Variants in FBN3 observed in about 807,000 individuals in gnomAD.
FBN3 encodes fibrillin-3.
In FBN3, 234 loss-of-function variants were observed where a neutral mutation model predicts 330.1. The observed-to-expected ratio is 0.71, with a 90% CI of 0.64 to 0.79. The LOEUF (loss-of-function observed/expected upper bound fraction) is 0.79, where lower values mean the gene tolerates loss of function less well. Ranked by LOEUF, FBN3 falls within the 30% of genes least tolerant of loss-of-function variation. The pLI, the probability that FBN3 is intolerant of heterozygous loss-of-function variation, is 0.00. For synonymous variants in FBN3, 1,458 were observed against 1,517.3 expected, an observed-to-expected ratio of 0.96 and a Z score of 0.91; for missense variants, 3,606 against 3,886.9, an observed-to-expected ratio of 0.93 and a Z score of 1.92.
At chr19:8,116,194 A>G (rs1462162755) in intron 29 of FBN3, among the ~76,000 whole-genome samples, 1 of 152,158 alleles carries the variant, frequency 6.6e-6, no homozygotes, top group Non-Finnish European at 1.5e-5. Flanking sequence ...TTGTCCTGAT[A>G]GGGTATGCAG....
chr19:8,097,353 G>A lies in FBN3; in HGVS notation c.5223C>T (p.Ile1741=), dbSNP rs138444808. ...ICANGICINQ[I]GSFRCECPAG... is the part of the protein sequence containing the mutation. ...CGGGGCACTCGCAGCGGAAACTCCC[G>A]ATCTGGTTTATGCAGATGCCATTGG... Residue 1741 remains isoleucine (I), a synonymous_variant, in exon 42 of 64, where the codon ATC becomes ATT. Coordinates refer to ENST00000600128, the MANE Select transcript of FBN3 (RefSeq NM_032447.5). The A allele has an allele frequency of 3.8e-4, 616 of 1,610,658 alleles. No individual in the cohort carries two copies. The highest frequency in any genetic ancestry group is 3.7e-3 in the African/African-American group (274 of 75,042).
In FBN3 at chr19:8,116,716, A is replaced by G. The variant is rs2082713492; in HGVS notation, c.3670T>C (p.Tyr1224His). 2 of 1,614,040 alleles carry G rather than the reference A, an allele frequency of 1.2e-6. No individual in the cohort carries two copies. The highest frequency in any genetic ancestry group is 8.5e-7 in the Non-Finnish European group (1 of 1,179,972). ...NMPGGHRCLC[Y>H]DGFMATPDMR... is the part of the protein sequence containing the mutation. ...TCTGGCGTGGCCATGAAGCCATCATAGCACAGGCAGCGGTGACCCCCTGGC... is the reference window on the plus strand; with the variant it reads ...TCTGGCGTGGCCATGAAGCCATCATGGCACAGGCAGCGGTGACCCCCTGGC... Residue 1224 changes from tyrosine (Y) to histidine (H), a missense_variant, in exon 29 of 64, where the codon TAT becomes CAT. Coordinates refer to ENST00000600128, the MANE Select transcript of FBN3 (RefSeq NM_032447.5).
intron 63 of FBN3, among the ~76,000 whole-genome samples, chr19:8,071,453 G>T (rs1417011407): frequency 6.6e-6 from 1 of 152,172 alleles, no homozygotes; most frequent in Non-Finnish European, 1.5e-5. Context: ...CCTAAGGGGA[G>T]CCTCTGCTGG....
intron 41 of FBN3, among the ~76,000 whole-genome samples, chr19:8,100,010 CAA>C (rs200461313): frequency 1.8e-4 from 19 of 105,760 alleles, no homozygotes; most frequent in East Asian, 2.9e-4. Flanking sequence ...AACTCCATCT[CAA>C]AAAAAAAAAA....
In FBN3 at chr19:8,087,910, G is replaced by C; in HGVS notation, c.6534C>G (p.Ala2178=). 2 of 1,614,200 alleles carry C rather than the reference G, an allele frequency of 1.2e-6. No homozygotes were observed. Among genetic ancestry groups the C allele is most frequent in the Non-Finnish European group, 1.7e-6 (2 of 1,180,030 alleles). ...DECSLNPLLC[A]FRCHNTEGSY... Reference sequence around the variant, plus strand: ...AGCCCTCGGTATTGTGGCAGCGGAAGGCACAGAGCAGCGGGTTCAGGGAGC... The same window carrying C: ...AGCCCTCGGTATTGTGGCAGCGGAACGCACAGAGCAGCGGGTTCAGGGAGC... Residue 2178 remains alanine, a synonymous_variant, in exon 53 of 64, where the codon GCC becomes GCG. Transcript: ENST00000600128.
chr19:8,085,680 G>T, intron 55 of FBN3, 111 bp from the exon 56 acceptor site: 1 of 780,204 alleles, frequency 1.3e-6, no homozygotes, highest in Non-Finnish European at 2.0e-6. Flanking sequence ...GGACAGGGGT[G>T]TCCAGGAGGG....
rs2082840564 is a variant in FBN3 at position 8,121,228 on chromosome 19, C to T, written c.3211+30G>A. ...TCAATGCCCTCCCTGCCCAGGGCGC[C>T]CACCACACCCCTGCCCGGCAGTCAC... On this transcript the variant is annotated intron_variant, in intron 25 of 63. Coordinates refer to ENST00000600128, the MANE Select transcript of FBN3 (RefSeq NM_032447.5). The surrounding 1 kb of genome is among the most constrained non-coding windows in gnomAD (Gnocchi z 4.5). The T allele has an allele frequency of 2.6e-6, 4 of 1,561,460 alleles. No homozygotes were observed. The highest frequency in any genetic ancestry group is 3.5e-6 in the Non-Finnish European group (4 of 1,149,692).
At position 8,085,446 on chromosome 19, in the gene FBN3, C is replaced by A; in HGVS notation, c.7004G>T (p.Arg2335Leu). Residue 2335 changes from arginine to leucine, a missense_variant, in exon 56 of 64, where the codon CGC becomes CTC. Coordinates refer to ENST00000600128, the MANE Select transcript of FBN3 (RefSeq NM_032447.5). ...CCGGGRGWGP[R>L]CELCPLPGTS... ...GCCGGGCAGGGGACAGAGCTCGCAG[C>A]GGGGCCCCCAGCCCCGGCCACCCCC... 6.3e-7 allele frequency: 1 copy of A among 1,576,786 alleles called. No individual in the cohort carries two copies. The highest frequency in any genetic ancestry group is 1.2e-5 in the South Asian group (1 of 86,338).
chr19:8,145,949 G>A lies in FBN3; in HGVS notation c.350-11C>T. The A allele has an allele frequency of 6.5e-7, 1 of 1,549,994 alleles. No homozygotes were observed. The highest frequency in any genetic ancestry group is 8.7e-7 in the Non-Finnish European group (1 of 1,145,894). ...CACTGCACCCTGACCCTGGGGACAGGAAGGCAGGACGCATAGTAATGTGGA... is the reference window on the plus strand; with the variant it reads ...CACTGCACCCTGACCCTGGGGACAGAAAGGCAGGACGCATAGTAATGTGGA... On this transcript the variant is annotated splice_polypyrimidine_tract_variant and intron_variant, in intron 4 of 63. Coordinates refer to ENST00000600128, the MANE Select transcript of FBN3 (RefSeq NM_032447.5).
chr19:8,096,455 G>T lies in FBN3; in HGVS notation c.5528C>A (p.Thr1843Asn). ...HRGFQASADQ[T>N]LCMDIDECDR... The stretch of plus-strand genomic sequence containing the variant: ...GATAAGGGTCTCACCCATGCACAGG[G>T]TCTGGTCTGCAGAGGCCTGGAATCC... Residue 1843 changes from threonine (T) to asparagine (N), a missense_variant, in exon 44 of 64, where the codon ACC (threonine) becomes AAC (asparagine). Transcript: ENST00000600128. This position sits in a 1 kb window ranked among gnomAD's most constrained non-coding sequence, Gnocchi z 4.6. 3 of 1,613,838 alleles carry T rather than the reference G, an allele frequency of 1.9e-6. No individual in the cohort carries two copies. The highest frequency in any genetic ancestry group is 2.5e-6 in the Non-Finnish European group (3 of 1,179,874).
intron 59 of FBN3, among the ~76,000 whole-genome samples, chr19:8,080,418 C>T (rs561506132): frequency 7.4e-4 from 113 of 152,298 alleles, no homozygotes; most frequent in Non-Finnish European, 1.4e-3. Context: ...TTCAGGAGCG[C>T]TCTGGGGAGG....
intron 18 of FBN3, among the ~76,000 whole-genome samples, chr19:8,128,454 C>T (rs1296433206): frequency 6.6e-6 from 1 of 151,710 alleles, no homozygotes; most frequent in Non-Finnish European, 1.5e-5. Flanking sequence ...ATCCCAGCTA[C>T]TTGGGAGGCT....
chr19:8,115,374 T>A, intron 30 of FBN3, 141 bp downstream of exon 30: 1 of 1,146,584 alleles, frequency 8.7e-7, no homozygotes, highest in Non-Finnish European at 1.2e-6. Flanking sequence ...CTGTTCTTGC[T>A]TTAACACAAG....
intron 22 of FBN3, among the ~76,000 whole-genome samples, chr19:8,124,369 G>A (rs564947676): frequency 2.0e-5 from 3 of 151,676 alleles, no homozygotes; most frequent in South Asian, 2.1e-4. Context: ...TCAGCCTCCC[G>A]AGGAGCTGGG....
chr19:8,075,077 A>G lies in FBN3; in HGVS notation c.7696T>C (p.Cys2566Arg). 5 of 1,602,340 alleles carry G rather than the reference A, an allele frequency of 3.1e-6. No homozygotes were observed. Among genetic ancestry groups the G allele is most frequent in the Non-Finnish European group, 4.3e-6 (5 of 1,174,172 alleles). Reference sequence around the variant, plus strand: ...CCCAGCCCTTTTCACTCACCCACACACTGGGCCCACTGGGAGTGCTGGGTG... The same window carrying G: ...CCCAGCCCTTTTCACTCACCCACACGCTGGGCCCACTGGGAGTGCTGGGTG... ...GFTQHSQWAQ[C>R]VDENECALSP... Residue 2566 changes from cysteine (C) to arginine (R), a missense_variant, in exon 61 of 64, where the codon TGT becomes CGT. Physicochemically the swap from Cys to Arg is radical, Grantham distance 180. Coordinates refer to ENST00000600128, the MANE Select transcript of FBN3 (RefSeq NM_032447.5).
intron 63 of FBN3, among the ~76,000 whole-genome samples, chr19:8,067,882 G>T (rs1004043237): frequency 6.6e-6 from 1 of 151,786 alleles, no homozygotes. Flanking sequence ...GAGTAACCTG[G>T]TGAAACTCTG....
chr19:8,109,168 T>C lies in FBN3; in HGVS notation c.4618+59A>G. 6.4e-7 allele frequency: 1 copy of C among 1,552,764 alleles called. No individual in the cohort carries two copies. Among genetic ancestry groups the C allele is most frequent in the Non-Finnish European group, 8.8e-7 (1 of 1,140,000 alleles). ...ACCGCCATTAGCAGAGGTGACCCCCTAAGCTCCCGGGCCTCGGTGGCTTAG... is the reference window on the plus strand; with the variant it reads ...ACCGCCATTAGCAGAGGTGACCCCCCAAGCTCCCGGGCCTCGGTGGCTTAG... On this transcript the variant is annotated intron_variant, in intron 36 of 63. Coordinates refer to ENST00000600128, the MANE Select transcript of FBN3 (RefSeq NM_032447.5). This position sits in a 1 kb window ranked among gnomAD's most constrained non-coding sequence, Gnocchi z 5.2.
intron 30 of FBN3, among the ~76,000 whole-genome samples, chr19:8,115,150 C>T (rs752419426): frequency 6.6e-5 from 10 of 152,310 alleles, no homozygotes; most frequent in Non-Finnish European, 8.8e-5. Flanking sequence ...CCACCGCGCC[C>T]GGCCCAGAGA....
At chr19:8,076,313 ATCTT>A (rs1351710421) in intron 59 of FBN3, among the ~76,000 whole-genome samples, 4 of 150,606 alleles carry the variant, frequency 2.7e-5, no homozygotes, top group African/African-American at 9.8e-5. Context: ...GTCTGTGATC[ATCTT>A]TCTATGTCTT....
Sources: gnomAD v4.1 joint callset for allele counts (sites outside exome capture counted in the v4.1 genomes callset) on GRCh38, gnomAD v4.1.1 for gene constraint, Gnocchi (gnomAD v3.1) non-coding constraint, MANE v1.5 for transcripts, NCBI Gene and HGNC (gene_info 2026-07-23, HGNC 2026-07-21) for gene names.